The following LHFPL6 variants were observed in gnomAD, a reference collection of about 807,000 sequenced individuals.
LHFPL6 encodes the protein LHFPL tetraspan subfamily member 6.
A neutral mutation model predicts 20.6 loss-of-function variants in LHFPL6; 9 were observed. The ratio of observed to expected loss-of-function variants is 0.44; its 90% confidence interval spans 0.26 to 0.76. LHFPL6 has a LOEUF of 0.76. Among genes scored for constraint, LHFPL6 ranks in the 30% least tolerant of loss-of-function variants. The pLI is 0.20. For missense variants in LHFPL6, 218 were observed against 253.5 expected, an observed-to-expected ratio of 0.86 and a Z score of 0.95; for synonymous variants, 105 against 98.7, an observed-to-expected ratio of 1.06 and a Z score of -0.38.
intron 3 of LHFPL6, among the ~76,000 whole-genome samples, chr13:39,377,466 G>T (rs1168631709): frequency 6.6e-6 from 1 of 151,996 alleles, no homozygotes; most frequent in Non-Finnish European, 1.5e-5. Flanking sequence ...AAGATTCTAA[G>T]AAAATATTCA....
At chr13:39,575,735 C>G (rs918729335) in intron 2 of LHFPL6, among the ~76,000 whole-genome samples, 1 of 152,154 alleles carries the variant, frequency 6.6e-6, no homozygotes, top group African/African-American at 2.4e-5. Context: ...GTGGGGAGCT[C>G]CTTCCGCTGT....
chr13:39,493,840 T>C (rs987141441), intron 2 of LHFPL6, among the ~76,000 whole-genome samples: 1 of 152,208 alleles, frequency 6.6e-6, no homozygotes, highest in Admixed American at 6.5e-5. Context: ...ACCTTCTCTC[T>C]TATTGTTTAG....
intron 2 of LHFPL6, among the ~76,000 whole-genome samples, chr13:39,555,219 C>T (rs912546788): frequency 2.6e-5 from 4 of 152,070 alleles, no homozygotes; most frequent in African/African-American, 4.8e-5. Flanking sequence ...GCTCCAATCC[C>T]TTTGTATTCT....
intron 2 of LHFPL6, among the ~76,000 whole-genome samples, chr13:39,416,400 A>G (rs1283912900): frequency 6.6e-6 from 1 of 151,696 alleles, no homozygotes; most frequent in Non-Finnish European, 1.5e-5. Context: ...ACTCCATTAT[A>G]TTAGGCCAAT....
chr13:39,494,064 A>T (rs1439514516), intron 2 of LHFPL6, among the ~76,000 whole-genome samples: 1 of 152,186 alleles, frequency 6.6e-6, no homozygotes, highest in East Asian at 1.9e-4. Context: ...TTACATTTCC[A>T]TGTCAGTCTC....
rs1871181480 is a variant in LHFPL6, at chr13:39,408,818, A to G, written c.386-30292T>C. Among the ~76,000 whole-genome samples the G allele has an allele frequency of 2.6e-5, 4 of 152,210 alleles. No individual in the cohort carries two copies. The South Asian group carries it at 8.3e-4, about 32-fold the overall frequency. On this transcript the variant is annotated intron_variant, in intron 2 of 3. Transcript: ENST00000379589. ...TGACCAGAAATGTAATTTAGAACAAAATTTGTAATAGTAATAGAAGGAATG... is the reference window on the plus strand; with the variant it reads ...TGACCAGAAATGTAATTTAGAACAAGATTTGTAATAGTAATAGAAGGAATG...
intron 2 of LHFPL6, among the ~76,000 whole-genome samples, chr13:39,409,432 C>T (rs1368480510): frequency 1.3e-5 from 2 of 151,836 alleles, no homozygotes; most frequent in Non-Finnish European, 2.9e-5. Flanking sequence ...CCAGCCTGGG[C>T]AACGGAGTGA....
At chr13:39,402,663 C>A (rs73456942) in intron 2 of LHFPL6, among the ~76,000 whole-genome samples, 2 of 152,090 alleles carry the variant, frequency 1.3e-5, no homozygotes, top group South Asian at 2.1e-4. Context: ...TAAAAGAGCA[C>A]AGAAAATGCA....
intron 2 of LHFPL6, among the ~76,000 whole-genome samples, chr13:39,580,333 T>G (rs1872243347): frequency 6.6e-6 from 1 of 152,128 alleles, no homozygotes; most frequent in African/African-American, 2.4e-5. Flanking sequence ...GATATCTGCA[T>G]GGCATCTCAA....
intron 2 of LHFPL6, among the ~76,000 whole-genome samples, chr13:39,589,251 C>T (rs2324349): frequency 0.15 from 22,720 of 151,990 alleles, 1,865 homozygotes; most frequent in Admixed American, 0.2. Context: ...AGATTACAGG[C>T]GCATGCCACC....
intron 2 of LHFPL6, among the ~76,000 whole-genome samples, chr13:39,472,793 G>C (rs1267153339): frequency 1.3e-5 from 2 of 152,062 alleles, no homozygotes; most frequent in East Asian, 3.9e-4. Context: ...ATTTTTATTA[G>C]AGATATGGGG....
chr13:39,580,545 T>A (rs972000313), intron 2 of LHFPL6, among the ~76,000 whole-genome samples: 8 of 152,200 alleles, frequency 5.3e-5, no homozygotes, highest in African/African-American at 1.9e-4. Flanking sequence ...TACAGTTCTT[T>A]ATAATTCTTT....
chr13:39,465,829 G>A (rs1593323585), intron 2 of LHFPL6, among the ~76,000 whole-genome samples: 1 of 152,104 alleles, frequency 6.6e-6, no homozygotes, highest in African/African-American at 2.4e-5. Flanking sequence ...TGCATGGTGA[G>A]AGAGAGTTCC....
intron 2 of LHFPL6, among the ~76,000 whole-genome samples, chr13:39,554,738 G>C (rs1045595331): frequency 6.6e-6 from 1 of 152,142 alleles, no homozygotes; most frequent in Admixed American, 6.5e-5. Context: ...TGTCCCCCCA[G>C]CCATTCACAT....
At chr13:39,503,392 C>T (rs1869362693) in intron 2 of LHFPL6, among the ~76,000 whole-genome samples, 1 of 152,190 alleles carries the variant, frequency 6.6e-6, no homozygotes. Flanking sequence ...ATAAGGCCTA[C>T]CTGACCATTT....
intron 2 of LHFPL6, among the ~76,000 whole-genome samples, chr13:39,564,146 A>G (rs1871638990): frequency 6.6e-6 from 1 of 152,148 alleles, no homozygotes; most frequent in Non-Finnish European, 1.5e-5. Flanking sequence ...AAAGAAATAC[A>G]GCACAGATTT....
chr13:39,521,839 C>G (rs1272163326), intron 2 of LHFPL6, among the ~76,000 whole-genome samples: 1 of 151,342 alleles, frequency 6.6e-6, no homozygotes, highest in East Asian at 1.9e-4. Context: ...CTGCAGATTA[C>G]TTTTTTCAAA....
rs566467818 is a variant in LHFPL6, at chr13:39,499,435, C to T, written c.385+101397G>A. ...CAGTCCTCTCCTCCCTTCACCATCCCTTGAGAGAACAGACCTGCAGCCCAG... is the reference window on the plus strand; with the variant it reads ...CAGTCCTCTCCTCCCTTCACCATCCTTTGAGAGAACAGACCTGCAGCCCAG... On this transcript the variant is annotated intron_variant, in intron 2 of 3. Transcript: ENST00000379589. 2.6e-5 allele frequency among the ~76,000 whole-genome samples: 4 copies of T among 152,290 alleles called. No individual in the cohort carries two copies. The East Asian group carries it at 7.7e-4, about 29-fold the overall frequency.
At chr13:39,353,179 T>A (rs1051993482) in intron 3 of LHFPL6, among the ~76,000 whole-genome samples, 6 of 149,872 alleles carry the variant, frequency 4.0e-5, no homozygotes, top group Non-Finnish European at 5.9e-5. Context: ...GATGATGGGG[T>A]TTCACCATGT....
Sources: allele counts gnomAD v4.1 joint callset (sites outside exome capture counted in the v4.1 genomes callset), GRCh38; gene constraint gnomAD v4.1.1; transcripts MANE v1.5; gene names NCBI Gene and HGNC (gene_info 2026-07-23, HGNC 2026-07-21).